Variants in ANAPC11 observed in about 807,000 individuals in gnomAD.
ANAPC11 encodes anaphase-promoting complex subunit 11.
In ANAPC11, 5 loss-of-function variants were observed where a neutral mutation model predicts 11.8. The observed-to-expected ratio is 0.42, with a 90% confidence interval of 0.22 to 0.89. ANAPC11 has a LOEUF of 0.89. Ranked by LOEUF, ANAPC11 falls within the 40% of genes least tolerant of loss-of-function variation. ANAPC11 has a pLI of 0.28. For synonymous variants in ANAPC11, 45 were observed against 41.0 expected (o/e 1.10, Z -0.38); for missense variants, 68 against 112.9 (o/e 0.60, Z 1.80).
upstream of ANAPC11, chr17:81,891,567 G>T (rs1234863875): frequency 4.9e-6 from 7 of 1,437,692 alleles, no homozygotes; most frequent in Non-Finnish European, 5.5e-6. Context: ...CATGGCGGGC[G>T]CGGAATCGGG....
upstream of ANAPC11, chr17:81,891,630 G>T (rs1310405812): frequency 1.5e-6 from 2 of 1,328,026 alleles, no homozygotes; most frequent in South Asian, 2.8e-5. Flanking sequence ...CCGGCGCCGC[G>T]TGAGGCCTTC....
upstream of ANAPC11, chr17:81,891,425 G>C: frequency 9.8e-7 from 1 of 1,017,896 alleles, no homozygotes; most frequent in Non-Finnish European, 1.2e-6. Flanking sequence ...TCACTCGCGC[G>C]GCGGCCTGCG....
intron 3 of ANAPC11, among the ~76,000 whole-genome samples, chr17:81,895,050 CTTTTTTTTTTTTTTT>C (rs766422017): frequency 1.2e-5 from 1 of 85,070 alleles, no homozygotes; most frequent in South Asian, 3.9e-4. Context: ...TCTTTCTTTT[CTTTTTTTTTTTTTTT>C]TTTTTTGAGA....
At chr17:81,899,223 GC>G in intron 3 of ANAPC11, 1 of 1,607,076 alleles carries the variant, frequency 6.2e-7, no homozygotes, top group Non-Finnish European at 8.5e-7. Flanking sequence ...GCTGATACAA[GC>G]ATCCCTCTCT....
chr17:81,894,269 T>C (rs2039654750), intron 2 of ANAPC11, 198 bp from the exon 3 acceptor site: 2 of 378,814 alleles, frequency 5.3e-6, no homozygotes, highest in East Asian at 7.7e-5. Context: ...TTAATAAAAA[T>C]AAAAGTAAAA....
chr17:81,899,110 C>T (rs1567871790), intron 3 of ANAPC11: 10 of 1,007,198 alleles, frequency 9.9e-6, no homozygotes, highest in South Asian at 3.3e-5. Context: ...CCGACCCTGC[C>T]GTGGGGCTGG....
chr17:81,891,520 T>C (rs567109460), upstream of ANAPC11: 11 of 1,403,482 alleles, frequency 7.8e-6, no homozygotes, highest in African/African-American at 9.1e-5. Flanking sequence ...CGGTTCAGTT[T>C]AATGATGTCG....
intron 3 of ANAPC11, among the ~76,000 whole-genome samples, chr17:81,897,146 G>A (rs1250010363): frequency 2.0e-5 from 3 of 152,138 alleles, no homozygotes; most frequent in East Asian, 1.9e-4. Context: ...GACTACAGGC[G>A]CTCGCCGCCA....
intron 3 of ANAPC11, chr17:81,899,270 G>A: frequency 6.2e-7 from 1 of 1,612,378 alleles, no homozygotes; most frequent in Non-Finnish European, 8.5e-7. Flanking sequence ...GCATTTCTAG[G>A]TGTTTGGGCT....
At chr17:81,894,331 G>A (rs2039657818) in intron 2 of ANAPC11, 136 bp from the exon 3 acceptor site, 3 of 438,990 alleles carry the variant, frequency 6.8e-6, no homozygotes, top group South Asian at 1.1e-4. Context: ...CGGACTCCTG[G>A]GCCGGTATGA....
At chr17:81,900,365 CA>C, downstream of ANAPC11, 1 of 450,188 alleles carries the variant, frequency 2.2e-6, no homozygotes, top group South Asian at 2.4e-5. Flanking sequence ...AGGCCCTCGT[CA>C]AACCCTGAGT....
intron 3 of ANAPC11, chr17:81,899,519 T>G: frequency 6.2e-7 from 1 of 1,613,900 alleles, no homozygotes. Flanking sequence ...ATCAAGTGTC[T>G]GCAGATGGGC....
chr17:81,893,519 C>G (rs983762941), intron 1 of ANAPC11, 33 bp from the exon 2 acceptor site: 2 of 151,970 alleles, frequency 1.3e-5, no homozygotes, highest in African/African-American at 2.4e-5. Context: ...CATGAGCCAC[C>G]ACCTGCGGCT....
Position 81,894,510 on chromosome 17 carries a change from G to T in ANAPC11, c.33G>T (p.Val11=), listed in dbSNP as rs1425874560. MKVKIKCWNG[V]ATWLWVANDE... ...TGAAGATTAAGTGCTGGAACGGCGT[G>T]GCCACTTGGCTCTGGGTGGCCAACG... The change falls in exon 3 of 4, where the codon GTG becomes GTT. Residue 11 remains valine, a synonymous_variant. Coordinates refer to ENST00000344877, the MANE Select transcript of ANAPC11 (RefSeq NM_001002248.3). 1 of 1,613,110 alleles carries T rather than the reference G, an allele frequency of 6.2e-7. No homozygotes were observed. The highest frequency in any genetic ancestry group is 2.2e-5 in the East Asian group (1 of 44,798).
chr17:81,891,139 C>A (rs1192094140), upstream of ANAPC11: 1 of 603,478 alleles, frequency 1.7e-6, no homozygotes, highest in Non-Finnish European at 2.5e-6. Context: ...GGACCGGACC[C>A]CGAAAGAACG....
chr17:81,896,256 A>G (rs1403764592), intron 3 of ANAPC11, among the ~76,000 whole-genome samples: 2 of 152,096 alleles, frequency 1.3e-5, no homozygotes, highest in African/African-American at 4.8e-5. Context: ...TCCCGTCTCT[A>G]CTAAAAATAC....
intron 1 of ANAPC11, among the ~76,000 whole-genome samples, chr17:81,892,524 ATT>A (rs201667030): frequency 1.4e-3 from 174 of 128,462 alleles, no homozygotes; most frequent in South Asian, 3.2e-3. Flanking sequence ...CATTTCATTG[ATT>A]TTTTTTTTTT....
intron 3 of ANAPC11, 178 bp downstream of exon 3, chr17:81,894,764 C>G (rs924195308): frequency 1.1e-5 from 5 of 457,320 alleles, no homozygotes; most frequent in African/African-American, 8.5e-5. Context: ...GTTTCCCAGG[C>G]TGGAGTGCAA....
chr17:81,899,591 T>A (rs1200300282), intron 3 of ANAPC11: 1 of 1,580,040 alleles, frequency 6.3e-7, no homozygotes, highest in South Asian at 1.2e-5. Flanking sequence ...GGACACAGGG[T>A]GGGCTAGGCC....
Sources: allele counts gnomAD v4.1 joint callset (sites outside exome capture counted in the v4.1 genomes callset), GRCh38; gene constraint gnomAD v4.1.1; transcripts MANE v1.5; gene names NCBI Gene and HGNC (gene_info 2026-07-23, HGNC 2026-07-21).